GAP43: variants seen among roughly 807,000 people sequenced by gnomAD.
The protein encoded by GAP43 is neuromodulin.
GAP43 carries 6 observed loss-of-function variants against 18.6 expected under a neutral mutation model. The observed-to-expected ratio is 0.32, with a 90% confidence interval of 0.18 to 0.64. The LOEUF is 0.64. Ranked by LOEUF, GAP43 falls within the 30% of genes least tolerant of loss-of-function variation. The pLI is 0.78. For missense variants in GAP43, 292 were observed against 295.5 expected, an observed-to-expected ratio of 0.99 and a Z score of 0.09; for synonymous variants, 115 against 111.4, an observed-to-expected ratio of 1.03 and a Z score of -0.20.
At chr3:115,683,799 T>C (rs1480910238) in intron 2 of GAP43, among the ~76,000 whole-genome samples, 2 of 152,220 alleles carry the variant, frequency 1.3e-5, no homozygotes, top group African/African-American at 4.8e-5. Flanking sequence ...AAGTATTATA[T>C]GGATAAGCTA....
chr3:115,656,848 A>T (rs779202224), intron 1 of GAP43, among the ~76,000 whole-genome samples: 1 of 152,348 alleles, frequency 6.6e-6, no homozygotes, highest in Admixed American at 6.5e-5. Flanking sequence ...CTGAAATTCT[A>T]TATGTTTGCA....
chr3:115,719,114 C>G (rs1709545964), intron 2 of GAP43, among the ~76,000 whole-genome samples: 1 of 152,168 alleles, frequency 6.6e-6, no homozygotes, highest in Non-Finnish European at 1.5e-5. Context: ...CTGTTATCTT[C>G]TAATTAAACA....
intron 1 of GAP43, among the ~76,000 whole-genome samples, chr3:115,646,634 G>C (rs1292630854): frequency 2.0e-5 from 3 of 151,992 alleles, no homozygotes; most frequent in South Asian, 4.1e-4. Context: ...AGACAAAAGA[G>C]GGAAAGCCCT....
intron 1 of GAP43, among the ~76,000 whole-genome samples, chr3:115,647,004 T>C (rs1217620190): frequency 6.6e-6 from 1 of 152,010 alleles, no homozygotes; most frequent in Non-Finnish European, 1.5e-5. Context: ...TGCTATGATT[T>C]GAATGTTAGT....
At chr3:115,640,522 C>G (rs777930144) in intron 1 of GAP43, among the ~76,000 whole-genome samples, 5 of 152,186 alleles carry the variant, frequency 3.3e-5, no homozygotes, top group Non-Finnish European at 7.4e-5. Flanking sequence ...CTCAACAAAA[C>G]TATAGTTGAC....
chr3:115,699,261 A>G (rs1450542793), intron 2 of GAP43, among the ~76,000 whole-genome samples: 1 of 152,220 alleles, frequency 6.6e-6, no homozygotes, highest in East Asian at 1.9e-4. Flanking sequence ...CGTGAGAAAC[A>G]GTAACAGGGT....
rs549123838 is a variant in GAP43, at chr3:115,695,730, C to T, written c.628+19120C>T. ...CCACAACAATCACATCTACCTCCTA[C>T]CCACTCCCCAAACTCCCCATCCAGT... On this transcript the variant is annotated intron_variant, in intron 2 of 2. Transcript: ENST00000305124. 3.3e-5 allele frequency among the ~76,000 whole-genome samples: 5 copies of T among 152,180 alleles called. No homozygotes were observed. The South Asian group carries it at 1.0e-3, about 32-fold the overall frequency.
intron 1 of GAP43, among the ~76,000 whole-genome samples, chr3:115,641,691 G>A (rs1708399532): frequency 6.6e-6 from 1 of 151,980 alleles, no homozygotes; most frequent in African/African-American, 2.4e-5. Flanking sequence ...CCAAGGAAAA[G>A]TTGTCACCTT....
intron 1 of GAP43, 108 bp downstream of exon 1, chr3:115,623,827 T>C (rs1169305886): frequency 1.1e-5 from 12 of 1,116,200 alleles, no homozygotes; most frequent in Non-Finnish European, 1.4e-5. Context: ...GCCGTGGTGC[T>C]CGCGCTTCCT....
chr3:115,685,305 G>T (rs1709019426), intron 2 of GAP43, among the ~76,000 whole-genome samples: 1 of 152,212 alleles, frequency 6.6e-6, no homozygotes, highest in African/African-American at 2.4e-5. Context: ...CCAGCCACAT[G>T]AATGACCTGT....
intron 2 of GAP43, among the ~76,000 whole-genome samples, chr3:115,683,179 A>G (rs1708986353): frequency 6.7e-6 from 1 of 149,446 alleles, no homozygotes; most frequent in African/African-American, 2.4e-5. Context: ...ACACACACAC[A>G]CACACACACG....
At chr3:115,673,379 C>T (rs1708838720) in intron 1 of GAP43, among the ~76,000 whole-genome samples, 1 of 152,104 alleles carries the variant, frequency 6.6e-6, no homozygotes, top group Admixed American at 6.6e-5. Context: ...TCCTTATGTT[C>T]ATAAAGAAAA....
intron 2 of GAP43, among the ~76,000 whole-genome samples, chr3:115,698,203 T>A (rs946893871): frequency 1.6e-4 from 1 of 6,064 alleles, no homozygotes; most frequent in Non-Finnish European, 3.6e-4. Context: ...ATATATTATA[T>A]ATTATATAAA....
chr3:115,688,953 C>T (rs1455879851), intron 2 of GAP43, among the ~76,000 whole-genome samples: 1 of 152,236 alleles, frequency 6.6e-6, no homozygotes, highest in African/African-American at 2.4e-5. Context: ...GCTTTCTGAT[C>T]AGATGTCCTT....
chr3:115,704,757 A>G (rs1215888392), intron 2 of GAP43, among the ~76,000 whole-genome samples: 1 of 152,082 alleles, frequency 6.6e-6, no homozygotes, highest in African/African-American at 2.4e-5. Flanking sequence ...ATGAAAGGCA[A>G]TATGATCTAA....
At chr3:115,646,234 A>AT (rs1309568137) in intron 1 of GAP43, among the ~76,000 whole-genome samples, 2 of 151,646 alleles carry the variant, frequency 1.3e-5, no homozygotes, top group East Asian at 1.9e-4. Flanking sequence ...ACCTATAAAG[A>AT]TTTTTTTTTC....
chr3:115,681,437 T>C (rs1275694549), intron 2 of GAP43, among the ~76,000 whole-genome samples: 1 of 152,202 alleles, frequency 6.6e-6, no homozygotes, highest in Non-Finnish European at 1.5e-5. Flanking sequence ...GTTGTTGTGA[T>C]CTGATGCTTT....
chr3:115,697,908 T>C (rs188076239), intron 2 of GAP43, among the ~76,000 whole-genome samples: 3 of 148,342 alleles, frequency 2.0e-5, no homozygotes, highest in Admixed American at 1.4e-4. Flanking sequence ...TATAACTCAA[T>C]GTGATTGGAA....
intron 1 of GAP43, among the ~76,000 whole-genome samples, chr3:115,625,275 G>T (rs1186359145): frequency 6.6e-6 from 1 of 150,938 alleles, no homozygotes; most frequent in Admixed American, 6.6e-5. Flanking sequence ...GAAAAAGTCG[G>T]ATAGTGGGGG....
Sources: allele counts gnomAD v4.1 joint callset (sites outside exome capture counted in the v4.1 genomes callset), GRCh38; gene constraint gnomAD v4.1.1; transcripts MANE v1.5; gene names NCBI Gene and HGNC (gene_info 2026-07-23, HGNC 2026-07-21).